BBC3: variants seen among roughly 807,000 people sequenced by gnomAD.
BBC3 encodes bcl-2-binding component 3.
A neutral mutation model predicts 18.2 loss-of-function variants in BBC3; 5 were observed. That is an observed-to-expected ratio of 0.27 (90% CI 0.14 to 0.58). The LOEUF (loss-of-function observed/expected upper bound fraction) is 0.58. BBC3 is among the 20% of genes least tolerant of loss of function. The pLI is 0.91. For missense variants in BBC3, 224 were observed against 268.9 expected, an observed-to-expected ratio of 0.83 and a Z score of 1.17; for synonymous variants, 119 against 128.0, an observed-to-expected ratio of 0.93 and a Z score of 0.47.
chr19:47,228,165 G>A lies in BBC3; in HGVS notation c.267C>T (p.Arg89=), dbSNP rs2058860997. 1 of 1,226,306 alleles carries A rather than the reference G, an allele frequency of 8.2e-7. No homozygotes were observed. The highest frequency in any genetic ancestry group is 3.2e-5 in the East Asian group (1 of 31,372). The allele number at this position is 1,226,306 out of a possible 1,614,324, so 76.0% of individuals were successfully genotyped here. A position where few individuals can be genotyped will look rare whatever the true frequency, so the allele number is the denominator to read the frequency against. The change falls in exon 2 of 4, where the codon CGC becomes CGT. Residue 89 remains arginine (R), a synonymous_variant. Coordinates refer to ENST00000439096, the MANE Select transcript of BBC3 (RefSeq NM_014417.5). This position sits in a 1 kb window ranked among gnomAD's most constrained non-coding sequence, Gnocchi z 5.5. ...GGCGGGGCGGGCACTCACCGTCCGG[G>A]CGCGGGCCTCGGGGCCGGCTGCGGG... ...GGPRSRPRGP[R]PDGPQPSLSL...
At chr19:47,232,444 C>T (rs1332889351), upstream of BBC3, 4 of 1,383,092 alleles carry the variant, frequency 2.9e-6, no homozygotes, top group Non-Finnish European at 4.0e-6. Flanking sequence ...CACAAAGTCA[C>T]ACCTGTGACA....
At position 47,228,517 on chromosome 19, in the gene BBC3, G is replaced by A. The variant is rs2058867706; in HGVS notation, c.-15-71C>T. 2 of 1,210,398 alleles carry A rather than the reference G, an allele frequency of 1.7e-6. No individual in the cohort carries two copies. Among genetic ancestry groups the A allele is most frequent in the East Asian group, 3.2e-5 (1 of 31,328 alleles). The allele number at this position is 1,210,398 out of a possible 1,614,324, so 75.0% of individuals were successfully genotyped here. On this transcript the variant is annotated intron_variant, in intron 1 of 3. Transcript: ENST00000439096. This position sits in a 1 kb window ranked among gnomAD's most constrained non-coding sequence, Gnocchi z 5.5. Reference sequence around the variant, plus strand: ...GCCCACTGTACCTCCAGCCTACCCGGGGTTAGGACCCAGATGGAGAAGAGT... The same window carrying A: ...GCCCACTGTACCTCCAGCCTACCCGAGGTTAGGACCCAGATGGAGAAGAGT...
At chr19:47,226,348 C>G (rs908191598) in intron 3 of BBC3, among the ~76,000 whole-genome samples, 1 of 151,960 alleles carries the variant, frequency 6.6e-6, no homozygotes, top group African/African-American at 2.4e-5. Context: ...GGCCCTGGCC[C>G]TGGCTCGGGC....
chr19:47,231,301 G>A (rs1327968072), upstream of BBC3: 1 of 692,464 alleles, frequency 1.4e-6, no homozygotes, highest in Non-Finnish European at 1.8e-6. The surrounding 1 kb of genome is among the most constrained non-coding windows in gnomAD (Gnocchi z 4.0). Flanking sequence ...GTGACGCTAC[G>A]GCCCCGCCCG....
At chr19:47,231,684 TAC>T (rs1403678027), upstream of BBC3, among the ~76,000 whole-genome samples, 2 of 151,766 alleles carry the variant, frequency 1.3e-5, no homozygotes, top group Non-Finnish European at 2.9e-5. The surrounding 1 kb of genome is among the most constrained non-coding windows in gnomAD (Gnocchi z 4.0). Flanking sequence ...GGCTCACACT[TAC>T]ACACACCCAG....
chr19:47,231,234 C>T (rs2058910861), upstream of BBC3: 1 of 946,922 alleles, frequency 1.1e-6, no homozygotes, highest in African/African-American at 1.8e-5. The surrounding 1 kb of genome is among the most constrained non-coding windows in gnomAD (Gnocchi z 4.0). Flanking sequence ...CGCTCCAAAG[C>T]CGCCCCGCCC....
Position 47,221,803 on chromosome 19 carries a change from T to TA in BBC3, c.580dup (p.Ter194LeufsTer35). On this transcript the variant is annotated frameshift_variant and stop_lost, in exon 4 of 4. Coordinates refer to ENST00000439096, the MANE Select transcript of BBC3 (RefSeq NM_014417.5). LOFTEE classifies it high-confidence loss of function. ...CGTCCACCGGGCGGGTGCAGGCACC[T>TA]AATTGGGCTCCATCTCGGGGGCTCT... 6.2e-7 allele frequency: 1 copy of TA among 1,612,768 alleles called. No individual in the cohort carries two copies. The highest frequency in any genetic ancestry group is 8.5e-7 in the Non-Finnish European group (1 of 1,179,572).
chr19:47,226,471 G>T, intron 3 of BBC3, 93 bp downstream of exon 3: 2 of 1,314,776 alleles, frequency 1.5e-6, no homozygotes, highest in Non-Finnish European at 2.0e-6. Flanking sequence ...AGCCGCGCAG[G>T]GCAGCAGCTG....
chr19:47,232,143 G>A (rs2123404557), upstream of BBC3, among the ~76,000 whole-genome samples: 1 of 152,320 alleles, frequency 6.6e-6, no homozygotes, highest in South Asian at 2.1e-4. Flanking sequence ...CCTGAGGTCA[G>A]GAATTCGAGA....
chr19:47,223,815 G>A (rs1403220297), intron 3 of BBC3, among the ~76,000 whole-genome samples: 4 of 152,110 alleles, frequency 2.6e-5, no homozygotes, highest in African/African-American at 9.7e-5. Flanking sequence ...AGGAGATGGT[G>A]GCAAAGGGGG....
At chr19:47,222,021 C>T (rs2058758181) in intron 3 of BBC3, 103 bp from the exon 4 acceptor site, 2 of 1,057,886 alleles carry the variant, frequency 1.9e-6, no homozygotes, top group South Asian at 1.7e-5. Context: ...TCTCGCCCAC[C>T]CTATTCCAGC....
In BBC3 at chr19:47,230,429, C is replaced by A. The variant is rs1373031120; in HGVS notation, c.-16+500G>T. Among the ~76,000 whole-genome samples, 1 of 151,670 alleles carries A rather than the reference C, an allele frequency of 6.6e-6. No individual in the cohort carries two copies. Among genetic ancestry groups the A allele is most frequent in the African/African-American group, 2.4e-5 (1 of 41,344 alleles). On this transcript the variant is annotated intron_variant, in intron 1 of 3. Coordinates refer to ENST00000439096, the MANE Select transcript of BBC3 (RefSeq NM_014417.5). This position sits in a 1 kb window ranked among gnomAD's most constrained non-coding sequence, Gnocchi z 6.7. The stretch of plus-strand genomic sequence containing the variant: ...CCCCCACCGCCGCCACGTGCGCCCG[C>A]CCCGCCCGCCAGGCGAGCGCGGGGC...
At chr19:47,232,626 G>A (rs1255782411), upstream of BBC3, 8 of 1,519,042 alleles carry the variant, frequency 5.3e-6, no homozygotes, top group Admixed American at 4.0e-5. Flanking sequence ...TTTCCATTCC[G>A]TTTCTTTTTC....
chr19:47,231,357 C>T (rs528524665), upstream of BBC3: 1,585 of 303,314 alleles, frequency 5.2e-3, 16 homozygotes, highest in Non-Finnish European at 6.5e-3. The surrounding 1 kb of genome is among the most constrained non-coding windows in gnomAD (Gnocchi z 4.0). Context: ...CCGCGCCCCC[C>T]CCTACCTCCG....
Position 47,228,221 on chromosome 19 carries a change from C to G in BBC3, c.211G>C (p.Ala71Pro). 1.0e-6 allele frequency: 1 copy of G among 974,794 alleles called. No homozygotes were observed. The highest frequency in any genetic ancestry group is 1.2e-6 in the Non-Finnish European group (1 of 829,846). The allele number at this position is 974,794 out of a possible 1,614,324, so 60.4% of individuals were successfully genotyped here. A position where few individuals can be genotyped will look rare whatever the true frequency, so the allele number is the denominator to read the frequency against. The change falls in exon 2 of 4, where the codon GCC becomes CCC. Residue 71 changes from alanine (A) to proline (P), a missense_variant. By Grantham distance (27) the Ala-to-Pro change is conservative. Coordinates refer to ENST00000439096, the MANE Select transcript of BBC3 (RefSeq NM_014417.5). This position sits in a 1 kb window ranked among gnomAD's most constrained non-coding sequence, Gnocchi z 5.5. ...CCAGGCCAGCGGGAACCCCCCAGGG[C>G]GGCGGTGACGGCGGGTGGGGCGGTG... ...APTAPPAVTA[A>P]LGGSRWPGGP...
At chr19:47,223,042 G>A (rs1279557151) in intron 3 of BBC3, among the ~76,000 whole-genome samples, 36 of 147,698 alleles carry the variant, frequency 2.4e-4, no homozygotes, top group Non-Finnish European at 3.6e-4. Context: ...AGGCCGAGGC[G>A]GGCGGATTAT....
At chr19:47,222,225 G>A (rs188875295) in intron 3 of BBC3, 41 of 292,228 alleles carry the variant, frequency 1.4e-4, no homozygotes, top group Admixed American at 3.5e-4. Flanking sequence ...AGGGGCTGAA[G>A]GATGGACTGC....
upstream of BBC3, among the ~76,000 whole-genome samples, chr19:47,231,552 C>T (rs2058915828): frequency 6.6e-6 from 1 of 152,150 alleles, no homozygotes; most frequent in Non-Finnish European, 1.5e-5. This position sits in a 1 kb window ranked among gnomAD's most constrained non-coding sequence, Gnocchi z 4.0. Flanking sequence ...GACGGGCGTT[C>T]CAGGGTCCAC....
At position 47,221,904 on chromosome 19, in the gene BBC3, C is replaced by T. The variant is rs751834949; in HGVS notation, c.480G>A (p.Gln160=). 4 of 1,606,350 alleles carry T rather than the reference C, an allele frequency of 2.5e-6. No individual in the cohort carries two copies. The highest frequency in any genetic ancestry group is 1.7e-5 in the Admixed American group (1 of 58,022). Residue 160 remains glutamine, a synonymous_variant, in exon 4 of 4, where the codon CAG becomes CAA. Coordinates refer to ENST00000439096, the MANE Select transcript of BBC3 (RefSeq NM_014417.5). ...AQYERRRQEE[Q]QRHRPSPWRV... ...TCCAGGGTGAGGGGCGGTGCCGCTGCTGCTCCTCTTGTCTCTGGGGAAAAG... is the reference window on the plus strand; with the variant it reads ...TCCAGGGTGAGGGGCGGTGCCGCTGTTGCTCCTCTTGTCTCTGGGGAAAAG...
Sources: gnomAD v4.1 joint callset for allele counts (sites outside exome capture counted in the v4.1 genomes callset) on GRCh38, gnomAD v4.1.1 for gene constraint, Gnocchi (gnomAD v3.1) non-coding constraint, MANE v1.5 for transcripts, NCBI Gene and HGNC (gene_info 2026-07-23, HGNC 2026-07-21) for gene names.